Variants in RNF170 observed in about 807,000 individuals in gnomAD.
RNF170 encodes ring finger protein 170.
In RNF170, 12 loss-of-function variants were observed where a neutral mutation model predicts 32.7. The observed-to-expected ratio is 0.37, with a 90% CI of 0.24 to 0.60. The LOEUF (loss-of-function observed/expected upper bound fraction) is 0.60. Ranked by LOEUF, RNF170 falls within the 20% of genes least tolerant of loss-of-function variation. The pLI is 0.72. For missense variants in RNF170, 212 were observed against 311.2 expected (o/e 0.68, Z 2.40); for synonymous variants, 91 against 103.6 (o/e 0.88, Z 0.74).
At position 42,854,002 on chromosome 8, in the gene RNF170, A is replaced by G. The variant is rs1196082303; in HGVS notation, c.*2157T>C. ...CAAAAAATGACATCACCATTCCCCC[A>G]CACCAAATGTGTAATTGGTAGGAAA... On this transcript the variant is annotated 3_prime_UTR_variant, in exon 7 of 7. Transcript: ENST00000527424. 7.8e-7 allele frequency: 1 copy of G among 1,286,838 alleles called. No homozygotes were observed. Among genetic ancestry groups the G allele is most frequent in the Non-Finnish European group, 1.0e-6 (1 of 988,440 alleles). The allele number at this position is 1,286,838 out of a possible 1,614,324, so 79.7% of individuals were successfully genotyped here. A position where few individuals can be genotyped will look rare whatever the true frequency, so the allele number is the denominator to read the frequency against.
intron 2 of RNF170, among the ~76,000 whole-genome samples, chr8:42,880,540 G>A (rs1805309195): frequency 6.6e-6 from 1 of 152,224 alleles, no homozygotes; most frequent in Non-Finnish European, 1.5e-5. Flanking sequence ...GGGAGGCTGA[G>A]GCGGGCGGAT....
At position 42,853,528 on chromosome 8, in the gene RNF170, C is replaced by T. The variant is rs1264241290; in HGVS notation, c.*2631G>A. 3.1e-6 allele frequency: 4 copies of T among 1,287,098 alleles called. No individual in the cohort carries two copies. The highest frequency in any genetic ancestry group is 2.5e-5 in the South Asian group (2 of 80,924). The allele number at this position is 1,287,098 out of a possible 1,614,324, so 79.7% of individuals were successfully genotyped here. ...GGGCAGTTAGAACAGTTGTTTTCCC[C>T]GTCTTGTTCCCCACAGAGCTGCCCA... On this transcript the variant is annotated 3_prime_UTR_variant, in exon 7 of 7. Coordinates refer to ENST00000527424, the MANE Select transcript of RNF170 (RefSeq NM_030954.4).
intron 2 of RNF170, among the ~76,000 whole-genome samples, chr8:42,876,426 T>C (rs1012217829): frequency 3.3e-5 from 5 of 151,436 alleles, no homozygotes; most frequent in African/African-American, 1.2e-4. Context: ...GCCCTTGTGA[T>C]AGGATTAGTG....
At chr8:42,875,008 T>C (rs1310050398) in intron 2 of RNF170, among the ~76,000 whole-genome samples, 1 of 151,622 alleles carries the variant, frequency 6.6e-6, no homozygotes, top group Non-Finnish European at 1.5e-5. Flanking sequence ...CCTGTCTCTA[T>C]TAAAAATATA....
chr8:42,854,234 G>A lies in RNF170; in HGVS notation c.*1925C>T, dbSNP rs778400013. ...TGTCTTACTCTGATGGAGGTATAAT[G>A]TAGCACGAAAGACTTCCAAAGAACC... On this transcript the variant is annotated 3_prime_UTR_variant, in exon 7 of 7. Transcript: ENST00000527424. 3.7e-5 allele frequency: 47 copies of A among 1,287,086 alleles called. 1 individual carries two copies. In the South Asian group the frequency reaches 5.6e-4, roughly 15 times the overall value. The allele number at this position is 1,287,086 out of a possible 1,614,324, so 79.7% of individuals were successfully genotyped here.
At chr8:42,879,583 G>A (rs548724917) in intron 2 of RNF170, among the ~76,000 whole-genome samples, 11 of 152,258 alleles carry the variant, frequency 7.2e-5, no homozygotes, top group Admixed American at 5.2e-4. Flanking sequence ...CCCGGGGGGC[G>A]GTGGTTGCAG....
downstream of RNF170, chr8:42,849,758 G>T (rs1450799124): frequency 6.6e-6 from 1 of 152,222 alleles, no homozygotes; most frequent in Non-Finnish European, 1.5e-5. Context: ...CTGAGAAAGT[G>T]TATTTCAACT....
intron 1 of RNF170, chr8:42,889,451 A>G (rs1175805744): frequency 6.6e-6 from 1 of 152,186 alleles, no homozygotes; most frequent in African/African-American, 2.4e-5. Flanking sequence ...TCAATTAAAT[A>G]TATATGAATA....
chr8:42,884,353 G>A (rs1435578677), intron 2 of RNF170, among the ~76,000 whole-genome samples: 1 of 152,088 alleles, frequency 6.6e-6, no homozygotes, highest in Non-Finnish European at 1.5e-5. Context: ...CAAAGTGCTA[G>A]GATTACAGGC....
At chr8:42,890,371 G>A (rs186868947) in intron 1 of RNF170, among the ~76,000 whole-genome samples, 9 of 150,996 alleles carry the variant, frequency 6.0e-5, no homozygotes, top group East Asian at 1.9e-4. Context: ...TCTGCCTCCC[G>A]GGTTCTCGTC....
chr8:42,896,903 C>T, upstream of RNF170: 1 of 351,912 alleles, frequency 2.8e-6, no homozygotes, highest in Non-Finnish European at 5.1e-6. Flanking sequence ...GGGCGGCGGG[C>T]GTGTCCGAAG....
At chr8:42,850,454 CTGAG>C (rs1286531521), downstream of RNF170, 18 of 334,044 alleles carry the variant, frequency 5.4e-5, no homozygotes, top group Non-Finnish European at 8.1e-5. Flanking sequence ...GCAGCCATGA[CTGAG>C]TAAGAAGTGA....
chr8:42,873,524 C>T (rs1804676559), intron 3 of RNF170, among the ~76,000 whole-genome samples: 1 of 151,602 alleles, frequency 6.6e-6, no homozygotes, highest in Non-Finnish European at 1.5e-5. Context: ...GTTGTTATAA[C>T]TTTGACAACT....
chr8:42,861,945 C>A, intron 5 of RNF170, 90 bp from the exon 6 acceptor site: 1 of 1,326,848 alleles, frequency 7.5e-7, no homozygotes, highest in South Asian at 1.5e-5. Context: ...ATGATAAAGG[C>A]TTCTATATTT....
chr8:42,889,583 G>C (rs972213176), intron 1 of RNF170, among the ~76,000 whole-genome samples: 1 of 152,004 alleles, frequency 6.6e-6, no homozygotes, highest in African/African-American at 2.4e-5. Context: ...ATCTGAACTG[G>C]CTGCAAGAAA....
rs762848280 is a variant in RNF170, at chr8:42,855,600, C to T, written c.*559G>A. 33 of 1,277,840 alleles carry T rather than the reference C, an allele frequency of 2.6e-5. No individual in the cohort carries two copies. The highest frequency in any genetic ancestry group is 3.3e-5 in the Non-Finnish European group (32 of 979,902). 79.2% of individuals were successfully genotyped at this position (1,277,840 alleles called of 1,614,324 possible). Reference sequence around the variant, plus strand: ...AGTATGAAGTTCAAGTTTCTTCTTTCAGTTTCAGCTGATAGCAAATAATTA... The same window carrying T: ...AGTATGAAGTTCAAGTTTCTTCTTTTAGTTTCAGCTGATAGCAAATAATTA... On this transcript the variant is annotated 3_prime_UTR_variant, in exon 7 of 7. Transcript: ENST00000527424.
intron 5 of RNF170, among the ~76,000 whole-genome samples, chr8:42,864,799 A>AT (rs1288410044): frequency 7.5e-4 from 3 of 4,016 alleles, no homozygotes; most frequent in Non-Finnish European, 1.4e-3. Flanking sequence ...GAAGGAAAAA[A>AT]ATTTTTTTTC....
chr8:42,861,589 T>G (rs1389069870), intron 6 of RNF170, 156 bp downstream of exon 6: 1 of 654,642 alleles, frequency 1.5e-6, no homozygotes, highest in African/African-American at 1.8e-5. Flanking sequence ...GTGATCCACC[T>G]GCCTTGGCCT....
chr8:42,885,508 T>C (rs1805743786), intron 2 of RNF170, among the ~76,000 whole-genome samples: 1 of 152,208 alleles, frequency 6.6e-6, no homozygotes, highest in East Asian at 1.9e-4. Flanking sequence ...AACTGTACCA[T>C]TTTATACTCC....
Sources: allele counts gnomAD v4.1 joint callset (sites outside exome capture counted in the v4.1 genomes callset), GRCh38; gene constraint gnomAD v4.1.1; transcripts MANE v1.5; gene names NCBI Gene and HGNC (gene_info 2026-07-23, HGNC 2026-07-21).